PARP2: variants seen among roughly 807,000 people sequenced by gnomAD.
PARP2 encodes poly(ADP-ribose) polymerase 2.
A neutral mutation model predicts 77.8 loss-of-function variants in PARP2; 57 were observed. The observed-to-expected ratio is 0.73, with a 90% CI of 0.59 to 0.91. The LOEUF is 0.91. PARP2 is among the 40% of genes least tolerant of loss of function. The probability of loss-of-function intolerance (pLI) is 0.00; values close to 1 mark genes in which losing one functional copy is unlikely to be tolerated. For missense variants in PARP2, 651 were observed against 689.0 expected, an observed-to-expected ratio of 0.94 and a Z score of 0.62; for synonymous variants, 226 against 242.6, an observed-to-expected ratio of 0.93 and a Z score of 0.64.
intron 14 of PARP2, 119 bp downstream of exon 14, chr14:20,357,268 C>A: frequency 7.5e-7 from 1 of 1,331,482 alleles, no homozygotes; most frequent in Non-Finnish European, 1.1e-6. Context: ...GGACCAAGTA[C>A]AATTTCTAGT....
intron 7 of PARP2, chr14:20,352,558 C>CTTTTCTTTTTT (rs1555316986): frequency 4.8e-6 from 1 of 208,750 alleles, no homozygotes; most frequent in African/African-American, 3.0e-5. Context: ...GATTTTTTTT[C>CTTTTCTTTTTT]TTTTTTTTTT....
intron 5 of PARP2, 27 bp downstream of exon 5, chr14:20,350,649 A>T: frequency 6.9e-7 from 1 of 1,448,314 alleles, no homozygotes; most frequent in Admixed American, 1.7e-5. Flanking sequence ...AGATTTTATG[A>T]GTTGGCATTC....
intron 4 of PARP2, among the ~76,000 whole-genome samples, chr14:20,348,743 G>A (rs1340724192): frequency 6.6e-6 from 1 of 152,218 alleles, no homozygotes; most frequent in East Asian, 1.9e-4. Context: ...AGGTTAGCCA[G>A]GTGCAGTGGC....
intron 9 of PARP2, chr14:20,355,325 C>T (rs1411355061): frequency 1.1e-5 from 2 of 185,240 alleles, no homozygotes; most frequent in Admixed American, 1.1e-4. Flanking sequence ...TAACATTTTA[C>T]ATTTGTTGAT....
At chr14:20,347,871 ATTT>A (rs200147712) in intron 4 of PARP2, among the ~76,000 whole-genome samples, 7 of 138,624 alleles carry the variant, frequency 5.0e-5, no homozygotes, top group Non-Finnish European at 6.3e-5. Context: ...CCTTTTGCAC[ATTT>A]TTTTTTTTTT....
chr14:20,347,379 TA>T (rs1883789515), intron 4 of PARP2, among the ~76,000 whole-genome samples: 5 of 19,310 alleles, frequency 2.6e-4, no homozygotes, highest in East Asian at 1.6e-3. Flanking sequence ...TATATATATA[TA>T]TATATATATA....
intron 7 of PARP2, chr14:20,352,950 C>T (rs373106654): frequency 6.6e-6 from 1 of 151,456 alleles, no homozygotes; most frequent in African/African-American, 2.4e-5. Flanking sequence ...AGTCTCAGCT[C>T]GCTGCAACCT....
chr14:20,348,522 C>T (rs960206243), intron 4 of PARP2, among the ~76,000 whole-genome samples: 4 of 152,062 alleles, frequency 2.6e-5, no homozygotes, highest in African/African-American at 9.7e-5. Context: ...CATCTGCCCC[C>T]AAGCTCAGCT....
intron 4 of PARP2, among the ~76,000 whole-genome samples, chr14:20,347,356 G>GTGTATA (rs1168423656): frequency 1.0e-3 from 31 of 29,554 alleles, no homozygotes; most frequent in Non-Finnish European, 1.1e-3. Context: ...ATGTGTGTGT[G>GTGTATA]TATATATATA....
chr14:20,348,119 C>G (rs886847886), intron 4 of PARP2, among the ~76,000 whole-genome samples: 1 of 152,144 alleles, frequency 6.6e-6, no homozygotes, highest in African/African-American at 2.4e-5. Flanking sequence ...AATGATCCTC[C>G]TGCCTTGTCC....
intron 1 of PARP2, among the ~76,000 whole-genome samples, 194 bp downstream of exon 1, chr14:20,343,881 G>A (rs1883608191): frequency 6.6e-6 from 1 of 152,190 alleles, no homozygotes; most frequent in South Asian, 2.1e-4. Flanking sequence ...ATAAAGCCTT[G>A]CGGAGCTGTA....
At position 20,355,963 on chromosome 14, in the gene PARP2, T is replaced by C. The variant is rs3093929; in HGVS notation, c.1033T>C (p.Leu345=). The change falls in exon 11 of 16, where the codon TTG becomes CTG. Residue 345 remains leucine, a synonymous_variant. Transcript: ENST00000429687. ...KTELQSPEHP[L]DQHYRNLHCA... The stretch of plus-strand genomic sequence containing the variant: ...AGAGCTACAAAGCCCAGAACACCCA[T>C]TGGACCAACACTATAGAAACCTACA... The C allele has an allele frequency of 1.2e-3, 1,983 of 1,614,092 alleles. 23 individuals are homozygous for C. The African/African-American group carries it at 0.024, about 19-fold the overall frequency.
intron 6 of PARP2, 77 bp from the exon 7 acceptor site, chr14:20,352,168 G>C (rs1883976713): frequency 6.6e-6 from 5 of 762,596 alleles, no homozygotes; most frequent in Middle Eastern, 5.0e-4. Context: ...AAATTCTTTG[G>C]AGATTTTCTG....
At chr14:20,350,472 G>C (rs1368099744) in intron 4 of PARP2, 54 bp from the exon 5 acceptor site, 1 of 901,636 alleles carries the variant, frequency 1.1e-6, no homozygotes, top group Non-Finnish European at 1.8e-6. Flanking sequence ...ATTGGTTTAT[G>C]TGATTTCCAT....
chr14:20,350,453 G>A lies in PARP2; in HGVS notation c.325-73G>A, dbSNP rs3093903. ...GGAAATAACTGGCACCTGTGACGAA[G>A]GATGAGTCATTGGTTTATGTGATTT... On this transcript the variant is annotated intron_variant, in intron 4 of 15. Coordinates refer to ENST00000429687, the MANE Select transcript of PARP2 (RefSeq NM_001042618.2). 285 of 729,524 alleles carry A rather than the reference G, an allele frequency of 3.9e-4. 2 individuals are homozygous for A. In the African/African-American group the frequency reaches 4.7e-3, roughly 12 times the overall value. The allele number at this position is 729,524 out of a possible 1,614,324, so 45.2% of individuals were successfully genotyped here.
At chr14:20,345,516 C>G (rs779592389) in intron 3 of PARP2, 52 bp downstream of exon 3, 1 of 1,358,954 alleles carries the variant, frequency 7.4e-7, no homozygotes, top group East Asian at 2.3e-5. Flanking sequence ...AGAGAGCATC[C>G]TTTGTTATAA....
chr14:20,350,057 C>T (rs977819917), intron 4 of PARP2, among the ~76,000 whole-genome samples: 1 of 152,224 alleles, frequency 6.6e-6, no homozygotes, highest in African/African-American at 2.4e-5. Flanking sequence ...TGTCAAATTT[C>T]TGCAGCTGAC....
chr14:20,352,270 TG>T lies in PARP2; in HGVS notation c.526del (p.Glu176LysfsTer40). On this transcript the variant is annotated frameshift_variant, in exon 7 of 16. Transcript: ENST00000429687. LOFTEE classifies it high-confidence loss of function. ...KKFLDKTKNN[W>X]EDREKFEKVP... ...ATTCCTTGACAAAACGAAAAACAAT[TG>T]GGAAGATCGAGAAAAGTTTGAGAAG... 1 of 1,612,788 alleles carries T rather than the reference TG, an allele frequency of 6.2e-7. No homozygotes were observed. The highest frequency in any genetic ancestry group is 8.5e-7 in the Non-Finnish European group (1 of 1,178,790).
At position 20,351,117 on chromosome 14, in the gene PARP2, G is replaced by A. The variant is rs768150435; in HGVS notation, c.492G>A (p.Gln164=). ...TCAACAAGGCCAAGGAAATCTTTCA[G>A]AAGAAGTGAGTGCTGAAAAGTGACT... ...GNLNKAKEIF[Q]KKFLDKTKNN... Residue 164 remains glutamine (Q), a synonymous_variant, in exon 6 of 16, where the codon CAG becomes CAA. Transcript: ENST00000429687. The A allele has an allele frequency of 1.2e-6, 2 of 1,612,028 alleles. No homozygotes were observed. Among genetic ancestry groups the A allele is most frequent in the East Asian group, 2.2e-5 (1 of 44,870 alleles).
Sources: gnomAD v4.1 joint callset for allele counts (sites outside exome capture counted in the v4.1 genomes callset) on GRCh38, gnomAD v4.1.1 for gene constraint, MANE v1.5 for transcripts, NCBI Gene and HGNC (gene_info 2026-07-23, HGNC 2026-07-21) for gene names.